The following PDE11A variants were observed in gnomAD, a reference collection of about 807,000 sequenced individuals.
PDE11A encodes dual 3',5'-cyclic-AMP and -GMP phosphodiesterase 11A.
In PDE11A, 100 loss-of-function variants were observed where a neutral mutation model predicts 100.5. The ratio of observed to expected loss-of-function variants is 1.00; its 90% confidence interval spans 0.85 to 1.18. PDE11A has a LOEUF of 1.18. Ranked by LOEUF, PDE11A falls within the 50% of genes most tolerant of loss-of-function variation. The pLI is 0.00. For synonymous variants in PDE11A, 381 were observed against 420.8 expected (o/e 0.91, Z 1.16); for missense variants, 1,141 against 1,152.6 (o/e 0.99, Z 0.15).
At chr2:178,020,250 C>G (rs2086390568) in intron 1 of PDE11A, among the ~76,000 whole-genome samples, 1 of 152,110 alleles carries the variant, frequency 6.6e-6, no homozygotes. Context: ...GCCTGTTTGC[C>G]CTTACCTTTG....
At chr2:177,851,522 A>G (rs992275297) in intron 5 of PDE11A, among the ~76,000 whole-genome samples, 1 of 152,168 alleles carries the variant, frequency 6.6e-6, no homozygotes, top group African/African-American at 2.4e-5. Context: ...GTACCCTAGA[A>G]CTTAAAGTAT....
chr2:177,921,220 C>G (rs1192560258), intron 2 of PDE11A, among the ~76,000 whole-genome samples: 1 of 151,176 alleles, frequency 6.6e-6, no homozygotes, highest in African/African-American at 2.4e-5. Context: ...AAATTTTTGA[C>G]AGCATGCTTT....
intron 2 of PDE11A, chr2:178,092,660 G>A (rs2087438401): frequency 6.6e-6 from 1 of 152,412 alleles, no homozygotes; most frequent in Non-Finnish European, 1.5e-5. Context: ...GAGTGCAATG[G>A]CGCGATCTCA....
At position 177,624,259 on chromosome 2, in the gene PDE11A, G is replaced by GT. The variant is rs1371144027; in HGVS notation, c.*5147_*5148insA. ...TAATGAATCCTTTTTGTGTTTTGGT[G>GT]GTTTTTTTTTTTTTCAGCCAAGGCA... On this transcript the variant is annotated 3_prime_UTR_variant, in exon 20 of 20. Transcript: ENST00000286063. The GT allele has an allele frequency of 3.6e-5, 2 of 56,128 alleles. No individual in the cohort carries two copies. The highest frequency in any genetic ancestry group is 1.8e-3 in the East Asian group (2 of 1,112). The allele number at this position is 56,128 out of a possible 1,614,324, so 3.5% of individuals were successfully genotyped here. A position where few individuals can be genotyped will look rare whatever the true frequency, so the allele number is the denominator to read the frequency against.
intron 6 of PDE11A, among the ~76,000 whole-genome samples, chr2:177,825,290 G>C (rs1176475112): frequency 1.3e-5 from 2 of 152,168 alleles, no homozygotes; most frequent in African/African-American, 4.8e-5. Flanking sequence ...TGAAGCATCA[G>C]AGAATGCAGA....
chr2:177,721,224 T>A (rs1226209677), intron 12 of PDE11A, among the ~76,000 whole-genome samples: 1 of 152,180 alleles, frequency 6.6e-6, no homozygotes, highest in East Asian at 1.9e-4. Context: ...ATTGCCTAAC[T>A]TCAGCAGGAA....
At chr2:177,706,793 A>C (rs949821800) in intron 13 of PDE11A, among the ~76,000 whole-genome samples, 1 of 152,140 alleles carries the variant, frequency 6.6e-6, no homozygotes, top group Non-Finnish European at 1.5e-5. Context: ...GATGCAAAAA[A>C]ACTCTCTGAA....
intron 2 of PDE11A, among the ~76,000 whole-genome samples, chr2:177,958,835 C>A (rs1434385596): frequency 6.6e-6 from 1 of 152,104 alleles, no homozygotes; most frequent in Non-Finnish European, 1.5e-5. Context: ...AAAGGTTTGT[C>A]TCCTTAAATT....
At chr2:177,970,947 C>T (rs1281082872) in intron 2 of PDE11A, among the ~76,000 whole-genome samples, 2 of 152,116 alleles carry the variant, frequency 1.3e-5, no homozygotes, top group East Asian at 1.9e-4. Flanking sequence ...AAAGGATGAC[C>T]ATGATTACTT....
In PDE11A at chr2:177,889,785, T is replaced by A. The variant is rs561089994; in HGVS notation, c.1302+8273A>T. On this transcript the variant is annotated intron_variant, in intron 4 of 19. Coordinates refer to ENST00000286063, the MANE Select transcript of PDE11A (RefSeq NM_016953.4). ...TGCTTATCATTTATTCCTTAAGCTTTTGTATCTCTTTCTTGAACAACTTTA... is the reference window on the plus strand; with the variant it reads ...TGCTTATCATTTATTCCTTAAGCTTATGTATCTCTTTCTTGAACAACTTTA... Among the ~76,000 whole-genome samples, 5 of 152,288 alleles carry A rather than the reference T, an allele frequency of 3.3e-5. No homozygotes were observed. The South Asian group carries it at 1.0e-3, about 32-fold the overall frequency.
chr2:177,992,145 C>CA (rs1353783642), intron 2 of PDE11A, among the ~76,000 whole-genome samples: 1 of 150,834 alleles, frequency 6.6e-6, no homozygotes, highest in African/African-American at 2.4e-5. Context: ...AAAATAGCAC[C>CA]AAAAAATCTA....
chr2:177,799,698 G>T (rs1295068581), intron 9 of PDE11A, among the ~76,000 whole-genome samples: 1 of 152,076 alleles, frequency 6.6e-6, no homozygotes, highest in Admixed American at 6.6e-5. Context: ...GTCCCCCTTG[G>T]TCTGAAAGAA....
intron 2 of PDE11A, among the ~76,000 whole-genome samples, chr2:178,097,157 A>G (rs1426731127): frequency 6.6e-6 from 1 of 152,172 alleles, no homozygotes; most frequent in African/African-American, 2.4e-5. Context: ...AAGTGCTGGG[A>G]TTACAGGTGT....
chr2:177,636,418 A>G (rs1325192627), intron 19 of PDE11A, among the ~76,000 whole-genome samples: 1 of 152,184 alleles, frequency 6.6e-6, no homozygotes, highest in Non-Finnish European at 1.5e-5. Flanking sequence ...ACAGCATATC[A>G]ATCATTTTTG....
chr2:177,790,937 A>T (rs1010570773), intron 9 of PDE11A, among the ~76,000 whole-genome samples: 3 of 152,170 alleles, frequency 2.0e-5, no homozygotes, highest in African/African-American at 4.8e-5. Flanking sequence ...ACACTGTTGG[A>T]GAGACTGTAA....
Position 177,853,667 on chromosome 2 carries a change from T to C in PDE11A, c.1368-13284A>G, listed in dbSNP as rs1219835732. Among the ~76,000 whole-genome samples, 5 of 34,004 alleles carry C rather than the reference T, an allele frequency of 1.5e-4. 1 individual carries two copies. Among genetic ancestry groups the C allele is most frequent in the Non-Finnish European group, 3.0e-4 (5 of 16,926 alleles). 22.3% of individuals were successfully genotyped at this position (34,004 alleles called of 152,430 possible). A position where few individuals can be genotyped will look rare whatever the true frequency, so the allele number is the denominator to read the frequency against. ...ATATATATATATATATATATATATA[T>C]ATATATATATATATGTGTGTGTGTG... is the stretch of plus-strand genomic sequence containing the variant. On this transcript the variant is annotated intron_variant, in intron 5 of 19. Coordinates refer to ENST00000286063, the MANE Select transcript of PDE11A (RefSeq NM_016953.4).
chr2:177,694,325 C>T (rs1334169695), intron 15 of PDE11A, among the ~76,000 whole-genome samples: 6 of 152,044 alleles, frequency 3.9e-5, no homozygotes, highest in Non-Finnish European at 8.8e-5. Context: ...AATTCTTCTA[C>T]TTTGAGGAAA....
At chr2:178,106,884 C>T (rs538653863) in intron 1 of PDE11A, among the ~76,000 whole-genome samples, 1 of 144,182 alleles carries the variant, frequency 6.9e-6, no homozygotes, top group South Asian at 2.2e-4. Context: ...CACTTGAACC[C>T]GGGAAGCGAA....
intron 2 of PDE11A, among the ~76,000 whole-genome samples, chr2:177,946,065 C>T: frequency 7.2e-6 from 1 of 138,118 alleles, no homozygotes; most frequent in South Asian, 2.3e-4. Context: ...GGGGTCAGCC[C>T]CCCGCCTGGC....
Sources: allele counts gnomAD v4.1 joint callset (sites outside exome capture counted in the v4.1 genomes callset), GRCh38; gene constraint gnomAD v4.1.1; transcripts MANE v1.5; gene names NCBI Gene and HGNC (gene_info 2026-07-23, HGNC 2026-07-21).